TSPYL5: variants seen among roughly 807,000 people sequenced by gnomAD.
The protein encoded by TSPYL5 is testis-specific Y-encoded-like protein 5.
For missense variants in TSPYL5, 556 were observed against 555.5 expected, an observed-to-expected ratio of 1.00 and a Z score of -0.01; for synonymous variants, 276 against 236.1, an observed-to-expected ratio of 1.17 and a Z score of -1.55.
Position 97,276,585 on chromosome 8 carries a change from G to A in TSPYL5, c.*6C>T. On this transcript the variant is annotated 3_prime_UTR_variant, in exon 1 of 1. Transcript: ENST00000322128. ...AGCAGGAGGTAGCAGGGAGACTTGTGCAGGATCAGTTGGATTGGCTCACCC... is the reference window on the plus strand; with the variant it reads ...AGCAGGAGGTAGCAGGGAGACTTGTACAGGATCAGTTGGATTGGCTCACCC... 3.1e-6 allele frequency: 5 copies of A among 1,610,412 alleles called. No individual in the cohort carries two copies. The highest frequency in any genetic ancestry group is 4.2e-6 in the Non-Finnish European group (5 of 1,178,170).
Position 97,277,603 on chromosome 8 carries a change from A to G in TSPYL5, c.242T>C (p.Leu81Pro). The G allele has an allele frequency of 2.8e-6, 4 of 1,429,056 alleles. No individual in the cohort carries two copies. Among genetic ancestry groups the G allele is most frequent in the South Asian group, 1.5e-5 (1 of 65,336 alleles). 88.5% of individuals were successfully genotyped at this position (1,429,056 alleles called of 1,614,324 possible). ...CAGCGCGAGGCCACAGTCCAGGGGG[A>G]GCCGGCAGGCGGCCTCCTCCCCGAG... ...LRLGEEAACR[L>P]PLDCGLALRA... is the part of the protein sequence containing the mutation. Residue 81 changes from leucine (L) to proline (P), a missense_variant, in exon 1 of 1, where the codon CTC becomes CCC. Transcript: ENST00000322128. The surrounding 1 kb of genome is among the most constrained non-coding windows in gnomAD (Gnocchi z 4.5).
rs1203376961 is a variant in TSPYL5 at position 97,275,286 on chromosome 8, A to C, written c.*1305T>G. The C allele has an allele frequency of 6.7e-6, 1 of 150,350 alleles. No homozygotes were observed. The highest frequency in any genetic ancestry group is 1.5e-5 in the Non-Finnish European group (1 of 67,512). The allele number at this position is 150,350 out of a possible 1,614,324, so 9.3% of individuals were successfully genotyped here. A position where few individuals can be genotyped will look rare whatever the true frequency, so the allele number is the denominator to read the frequency against. ...TGTGCGCAGTGCCAAGTTCTCAGCT[A>C]CCTCCCCAGCTGTATGTAGAAAAAT... is the stretch of plus-strand genomic sequence containing the variant. On this transcript the variant is annotated 3_prime_UTR_variant, in exon 1 of 1. Transcript: ENST00000322128.
At position 97,275,453 on chromosome 8, in the gene TSPYL5, G is replaced by A. The variant is rs1426586503; in HGVS notation, c.*1138C>T. On this transcript the variant is annotated 3_prime_UTR_variant, in exon 1 of 1. Transcript: ENST00000322128. The stretch of plus-strand genomic sequence containing the variant: ...GAAAGAAGAATGAGAGGGAGGAAAT[G>A]AGGGATGAAGGCAGGCAAGCAAAAT... The A allele has an allele frequency of 6.6e-6, 1 of 152,208 alleles. No individual in the cohort carries two copies. The highest frequency in any genetic ancestry group is 2.4e-5 in the African/African-American group (1 of 41,412). 9.4% of individuals were successfully genotyped at this position (152,208 alleles called of 1,614,324 possible).
In TSPYL5 at chr8:97,277,202, TGTTCTCCAGCTTCAGCTGCAC is replaced by T; in HGVS notation, c.622_642del (p.Val208_Asn214del). On this transcript the variant is annotated inframe_deletion, in exon 1 of 1. Transcript: ENST00000322128. The surrounding 1 kb of genome is among the most constrained non-coding windows in gnomAD (Gnocchi z 4.5). ...TAGGCCCTGTCCGCCTGGGCGTTCA[TGTTCTCCAGCTTCAGCTGCAC>T]GTTCTCCAGCGTATCCATGCTGCCT... The T allele has an allele frequency of 1.2e-6, 2 of 1,613,054 alleles. No individual in the cohort carries two copies. Among genetic ancestry groups the T allele is most frequent in the Non-Finnish European group, 1.7e-6 (2 of 1,179,974 alleles).
At position 97,276,507 on chromosome 8, in the gene TSPYL5, C is replaced by A; in HGVS notation, c.*84G>T. On this transcript the variant is annotated 3_prime_UTR_variant, in exon 1 of 1. Transcript: ENST00000322128. The stretch of plus-strand genomic sequence containing the variant: ...CCAAAGGGTCTATAGTACACAGAGG[C>A]CAACATGAAGAGAAGGCAGAGAGCC... 1 of 1,504,542 alleles carries A rather than the reference C, an allele frequency of 6.6e-7. No homozygotes were observed. Among genetic ancestry groups the A allele is most frequent in the Non-Finnish European group, 9.0e-7 (1 of 1,115,010 alleles). The allele number at this position is 1,504,542 out of a possible 1,614,324, so 93.2% of individuals were successfully genotyped here. A position where few individuals can be genotyped will look rare whatever the true frequency, so the allele number is the denominator to read the frequency against.
chr8:97,277,637 G>A lies in TSPYL5; in HGVS notation c.208C>T (p.Leu70Phe). The change falls in exon 1 of 1, where the codon CTC (leucine) becomes TTC (phenylalanine). Residue 70 changes from leucine (L) to phenylalanine (F), a missense_variant. By Grantham distance (22) the Leu-to-Phe change is conservative (BLOSUM62 0). Coordinates refer to ENST00000322128, the MANE Select transcript of TSPYL5 (RefSeq NM_033512.3). The surrounding 1 kb of genome is among the most constrained non-coding windows in gnomAD (Gnocchi z 4.5). ...GCGGCCTCCTCCCCGAGCCGGAGGAGCTGCGCGGACGCAGCGGCTTCCAGG... is the reference window on the plus strand; with the variant it reads ...GCGGCCTCCTCCCCGAGCCGGAGGAACTGCGCGGACGCAGCGGCTTCCAGG... ...GGLEAAASAQ[L>F]LRLGEEAACR... 1 of 1,454,574 alleles carries A rather than the reference G, an allele frequency of 6.9e-7. No individual in the cohort carries two copies. The highest frequency in any genetic ancestry group is 1.4e-5 in the South Asian group (1 of 69,036). 90.1% of individuals were successfully genotyped at this position (1,454,574 alleles called of 1,614,324 possible). A position where few individuals can be genotyped will look rare whatever the true frequency, so the allele number is the denominator to read the frequency against.
rs1183921729 is a variant in TSPYL5, at chr8:97,277,587, G to C, written c.258C>G (p.Gly86=). ...EAACRLPLDC[G]LALRARAAGD... ...CCGCAGCTCGGGCCCGCAGCGCGAG[G>C]CCACAGTCCAGGGGGAGCCGGCAGG... is the stretch of plus-strand genomic sequence containing the variant. Residue 86 remains glycine (G), a synonymous_variant, in exon 1 of 1, where the codon GGC becomes GGG. Transcript: ENST00000322128. This position sits in a 1 kb window ranked among gnomAD's most constrained non-coding sequence, Gnocchi z 4.5. 1 of 1,461,788 alleles carries C rather than the reference G, an allele frequency of 6.8e-7. No homozygotes were observed. The highest frequency in any genetic ancestry group is 9.0e-7 in the Non-Finnish European group (1 of 1,109,914). 90.6% of individuals were successfully genotyped at this position (1,461,788 alleles called of 1,614,324 possible). A position where few individuals can be genotyped will look rare whatever the true frequency, so the allele number is the denominator to read the frequency against.
Position 97,277,869 on chromosome 8 carries a change from G to A in TSPYL5, c.-25C>T, listed in dbSNP as rs769258028. ...TGGTGGCGGCGGAGGCAGCTTCAAA[G>A]ACACGCTGTGACCCTGCGGCTCCTG... On this transcript the variant is annotated 5_prime_UTR_variant, in exon 1 of 1. Transcript: ENST00000322128. The surrounding 1 kb of genome is among the most constrained non-coding windows in gnomAD (Gnocchi z 4.5). 11 of 1,395,754 alleles carry A rather than the reference G, an allele frequency of 7.9e-6. No individual in the cohort carries two copies. The highest frequency in any genetic ancestry group is 1.9e-4 in the Middle Eastern group (1 of 5,280). 86.5% of individuals were successfully genotyped at this position (1,395,754 alleles called of 1,614,324 possible). A position where few individuals can be genotyped will look rare whatever the true frequency, so the allele number is the denominator to read the frequency against.
Position 97,277,632 on chromosome 8 carries a change from G to C in TSPYL5, c.213C>G (p.Leu71=). ...GGCAGGCGGCCTCCTCCCCGAGCCG[G>C]AGGAGCTGCGCGGACGCAGCGGCTT... is the stretch of plus-strand genomic sequence containing the variant. ...GLEAAASAQL[L]RLGEEAACRL... Residue 71 remains leucine (L), a synonymous_variant, in exon 1 of 1, where the codon CTC becomes CTG. Transcript: ENST00000322128. The surrounding 1 kb of genome is among the most constrained non-coding windows in gnomAD (Gnocchi z 4.5). 6.9e-7 allele frequency: 1 copy of C among 1,450,842 alleles called. No individual in the cohort carries two copies. The highest frequency in any genetic ancestry group is 1.5e-5 in the South Asian group (1 of 68,550). 89.9% of individuals were successfully genotyped at this position (1,450,842 alleles called of 1,614,324 possible). A position where few individuals can be genotyped will look rare whatever the true frequency, so the allele number is the denominator to read the frequency against.
chr8:97,276,728 A>G lies in TSPYL5; in HGVS notation c.1117T>C (p.Leu373=). The G allele has an allele frequency of 6.2e-7, 1 of 1,614,142 alleles. No homozygotes were observed. The highest frequency in any genetic ancestry group is 8.5e-7 in the Non-Finnish European group (1 of 1,180,010). Reference sequence around the variant, plus strand: ...TAGAACTGCAAGGGATTGGGCCACAATTCTTCGTTGATTATCTCCACAATC... The same window carrying G: ...TAGAACTGCAAGGGATTGGGCCACAGTTCTTCGTTGATTATCTCCACAATC... ...DKIVEIINEE[L]WPNPLQFYLL... Residue 373 remains leucine, a synonymous_variant, in exon 1 of 1, where the codon TTG becomes CTG. Transcript: ENST00000322128.
At position 97,276,584 on chromosome 8, in the gene TSPYL5, T is replaced by G; in HGVS notation, c.*7A>C. The G allele has an allele frequency of 6.2e-7, 1 of 1,610,272 alleles. No individual in the cohort carries two copies. Among genetic ancestry groups the G allele is most frequent in the Non-Finnish European group, 8.5e-7 (1 of 1,178,062 alleles). ...CAGCAGGAGGTAGCAGGGAGACTTGTGCAGGATCAGTTGGATTGGCTCACC... is the reference window on the plus strand; with the variant it reads ...CAGCAGGAGGTAGCAGGGAGACTTGGGCAGGATCAGTTGGATTGGCTCACC... On this transcript the variant is annotated 3_prime_UTR_variant, in exon 1 of 1. Coordinates refer to ENST00000322128, the MANE Select transcript of TSPYL5 (RefSeq NM_033512.3).
chr8:97,276,421 G>A lies in TSPYL5; in HGVS notation c.*170C>T. The A allele has an allele frequency of 8.3e-6, 7 of 846,492 alleles. No homozygotes were observed. Among genetic ancestry groups the A allele is most frequent in the Admixed American group, 2.4e-5 (1 of 42,386 alleles). The allele number at this position is 846,492 out of a possible 1,614,324, so 52.4% of individuals were successfully genotyped here. A position where few individuals can be genotyped will look rare whatever the true frequency, so the allele number is the denominator to read the frequency against. On this transcript the variant is annotated 3_prime_UTR_variant, in exon 1 of 1. Coordinates refer to ENST00000322128, the MANE Select transcript of TSPYL5 (RefSeq NM_033512.3). ...TAACATGTGACACTAACGTAGAAAAGCAAGAGGCTATGGGAGGCAAAAGAA... is the reference window on the plus strand; with the variant it reads ...TAACATGTGACACTAACGTAGAAAAACAAGAGGCTATGGGAGGCAAAAGAA...
In TSPYL5 at chr8:97,273,764, T is replaced by C. The variant is rs1586068343; in HGVS notation, c.*2827A>G. On this transcript the variant is annotated 3_prime_UTR_variant, in exon 1 of 1. Transcript: ENST00000322128. ...GTTACACAGAAAAAAAGATTGACAT[T>C]CTGGTGAAGGGTCTCAAGTACCTTA... is the stretch of plus-strand genomic sequence containing the variant. 6.6e-6 allele frequency: 1 copy of C among 152,488 alleles called. No individual in the cohort carries two copies. The highest frequency in any genetic ancestry group is 1.9e-4 in the East Asian group (1 of 5,200). 9.4% of individuals were successfully genotyped at this position (152,488 alleles called of 1,614,324 possible). A position where few individuals can be genotyped will look rare whatever the true frequency, so the allele number is the denominator to read the frequency against.
In TSPYL5 at chr8:97,277,322, C is replaced by T; in HGVS notation, c.523G>A (p.Glu175Lys). The T allele has an allele frequency of 6.2e-7, 1 of 1,609,946 alleles. No individual in the cohort carries two copies. Among genetic ancestry groups the T allele is most frequent in the Non-Finnish European group, 8.5e-7 (1 of 1,177,716 alleles). Residue 175 changes from glutamate to lysine, a missense_variant, in exon 1 of 1, where the codon GAG becomes AAG. Glu to Lys is a moderately conservative substitution (Grantham distance 56, BLOSUM62 1). Coordinates refer to ENST00000322128, the MANE Select transcript of TSPYL5 (RefSeq NM_033512.3). This position sits in a 1 kb window ranked among gnomAD's most constrained non-coding sequence, Gnocchi z 4.5. ...GGRQKKGAAG[E>K]NTSVSAGEEK... Reference sequence around the variant, plus strand: ...TCCCCAGCTGACACCGAGGTATTCTCCCCTGCCGCCCCTTTCTTCTGCCTC... The same window carrying T: ...TCCCCAGCTGACACCGAGGTATTCTTCCCTGCCGCCCCTTTCTTCTGCCTC...
In TSPYL5 at chr8:97,277,248, T is replaced by C. The variant is rs775840128; in HGVS notation, c.597A>G (p.Glu199=). 6.2e-7 allele frequency: 1 copy of C among 1,613,996 alleles called. No homozygotes were observed. Among genetic ancestry groups the C allele is most frequent in the Admixed American group, 1.7e-5 (1 of 60,030 alleles). ...CGTTCTCCAGCGTATCCATGCTGCC[T>C]TCCGTCGCTGGGGGCCCCGACCCTG... ...RDAGSGPPAT[E]GSMDTLENVQ... is the part of the protein sequence containing the mutation. Residue 199 remains glutamate (E), a synonymous_variant, in exon 1 of 1, where the codon GAA becomes GAG. Transcript: ENST00000322128. The surrounding 1 kb of genome is among the most constrained non-coding windows in gnomAD (Gnocchi z 4.5).
Position 97,277,441 on chromosome 8 carries a change from G to A in TSPYL5, c.404C>T (p.Ala135Val), listed in dbSNP as rs752359906. 9.7e-6 allele frequency: 15 copies of A among 1,543,382 alleles called. No individual in the cohort carries two copies. Among genetic ancestry groups the A allele is most frequent in the African/African-American group, 2.8e-5 (2 of 72,250 alleles). ...GCCACGCCGGTTTCCAACGCGGGGG[G>A]CATTTTTCGGCCTTCCCACGGTTCC... is the stretch of plus-strand genomic sequence containing the variant. ...TAGTVGRPKN[A>V]PRVGNRRGPA... Residue 135 changes from alanine (A) to valine (V), a missense_variant, in exon 1 of 1, where the codon GCC (alanine) becomes GTC (valine). Coordinates refer to ENST00000322128, the MANE Select transcript of TSPYL5 (RefSeq NM_033512.3). This position sits in a 1 kb window ranked among gnomAD's most constrained non-coding sequence, Gnocchi z 4.5.
rs1248449088 is a variant in TSPYL5, at chr8:97,277,157, A to G, written c.688T>C (p.Phe230Leu). ...DRAYLRLSRKFGQLRLQHLER... is the reference protein window; with the variant it reads ...DRAYLRLSRKLGQLRLQHLER... ...AAGTGCTGCAGTCGCAACTGCCCAA[A>G]CTTCCTGGAGAGCCGAAGGTAGGCC... Residue 230 changes from phenylalanine to leucine, a missense_variant, in exon 1 of 1, where the codon TTT becomes CTT. Phe to Leu is a conservative substitution (Grantham distance 22). Transcript: ENST00000322128. This position sits in a 1 kb window ranked among gnomAD's most constrained non-coding sequence, Gnocchi z 4.5. 5.0e-6 allele frequency: 8 copies of G among 1,610,942 alleles called. No individual in the cohort carries two copies.
rs541055550 is a variant in TSPYL5, at chr8:97,276,025, T to C, written c.*566A>G. The C allele has an allele frequency of 1.9e-4, 29 of 154,494 alleles. No homozygotes were observed. In the South Asian group the frequency reaches 5.7e-3, roughly 30 times the overall value. The allele number at this position is 154,494 out of a possible 1,614,324, so 9.6% of individuals were successfully genotyped here. ...TGCAGAACATCAAGCAGGATGGGTATCACAGACCACAGGCCAAAGCCAGAA... is the reference window on the plus strand; with the variant it reads ...TGCAGAACATCAAGCAGGATGGGTACCACAGACCACAGGCCAAAGCCAGAA... On this transcript the variant is annotated 3_prime_UTR_variant, in exon 1 of 1. Transcript: ENST00000322128.
chr8:97,277,602 G>C lies in TSPYL5; in HGVS notation c.243C>G (p.Leu81=), dbSNP rs909808475. ...GCAGCGCGAGGCCACAGTCCAGGGG[G>C]AGCCGGCAGGCGGCCTCCTCCCCGA... ...LRLGEEAACR[L]PLDCGLALRA... is the part of the protein sequence containing the mutation. The change falls in exon 1 of 1, where the codon CTC becomes CTG. Residue 81 remains leucine, a synonymous_variant. Coordinates refer to ENST00000322128, the MANE Select transcript of TSPYL5 (RefSeq NM_033512.3). This position sits in a 1 kb window ranked among gnomAD's most constrained non-coding sequence, Gnocchi z 4.5. 6.3e-5 allele frequency: 90 copies of C among 1,435,624 alleles called. No individual in the cohort carries two copies. The highest frequency in any genetic ancestry group is 1.8e-4 in the Middle Eastern group (1 of 5,492). The allele number at this position is 1,435,624 out of a possible 1,614,324, so 88.9% of individuals were successfully genotyped here. A position where few individuals can be genotyped will look rare whatever the true frequency, so the allele number is the denominator to read the frequency against.
Sources: allele counts gnomAD v4.1 joint callset, GRCh38; gene constraint gnomAD v4.1.1; non-coding constraint Gnocchi (gnomAD v3.1); transcripts MANE v1.5; gene names NCBI Gene and HGNC (gene_info 2026-07-23, HGNC 2026-07-21).